RYR2: variants seen among roughly 807,000 people sequenced by gnomAD.
RYR2 encodes the protein ryanodine receptor 2, also known as cardiac muscle ryanodine receptor-calcium release channel.
A neutral mutation model predicts 601.1 loss-of-function variants in RYR2; 227 were observed. The ratio of observed to expected loss-of-function variants is 0.38; its 90% CI spans 0.34 to 0.42. The LOEUF is 0.42. Among genes scored for constraint, RYR2 ranks in the 10% least tolerant of loss-of-function variants. The probability of loss-of-function intolerance (pLI) is 1.00; values close to 1 mark genes in which losing one functional copy is unlikely to be tolerated. For missense variants in RYR2, 4,646 were observed against 6,156.5 expected (o/e 0.75, Z 8.21); for synonymous variants, 2,223 against 2,175.1 (o/e 1.02, Z -0.61).
At chr1:237,177,889 A>G (rs376726186) in intron 1 of RYR2, among the ~76,000 whole-genome samples, 1 of 152,200 alleles carries the variant, frequency 6.6e-6, no homozygotes, top group Admixed American at 6.5e-5. Flanking sequence ...TCAAAGAAAC[A>G]TATATAAATT....
At chr1:237,162,278 C>A (rs1676096833) in intron 1 of RYR2, among the ~76,000 whole-genome samples, 2 of 152,028 alleles carry the variant, frequency 1.3e-5, no homozygotes, top group Admixed American at 1.3e-4. Flanking sequence ...GCATTTGTAC[C>A]TTTATACAGT....
At chr1:237,624,544 A>C (rs758332680) in intron 39 of RYR2, among the ~76,000 whole-genome samples, 6 of 152,206 alleles carry the variant, frequency 3.9e-5, no homozygotes, top group Non-Finnish European at 7.4e-5. Context: ...TAAGAAAGAA[A>C]TTTGATCACA....
chr1:237,382,559 A>T (rs1485173983), intron 8 of RYR2, among the ~76,000 whole-genome samples: 1 of 116,560 alleles, frequency 8.6e-6, no homozygotes, highest in Admixed American at 1.2e-4. Flanking sequence ...CCGGTGTGTG[A>T]TGTTCCCCTT....
intron 73 of RYR2, among the ~76,000 whole-genome samples, chr1:237,720,268 C>T (rs922867745): frequency 6.6e-6 from 1 of 152,034 alleles, no homozygotes; most frequent in South Asian, 2.1e-4. Flanking sequence ...AAAGTAGCAA[C>T]AACAATATAA....
intron 13 of RYR2, among the ~76,000 whole-genome samples, chr1:237,442,104 A>G (rs975743351): frequency 6.6e-6 from 1 of 152,226 alleles, no homozygotes; most frequent in African/African-American, 2.4e-5. Context: ...GAGATTGCCC[A>G]TGCACCTGCT....
At chr1:237,175,425 C>A (rs780796634) in intron 1 of RYR2, among the ~76,000 whole-genome samples, 3 of 151,956 alleles carry the variant, frequency 2.0e-5, no homozygotes, top group African/African-American at 7.3e-5. Context: ...GCCTTTAGAA[C>A]ATTAAGTATT....
intron 38 of RYR2, among the ~76,000 whole-genome samples, chr1:237,617,948 T>C (rs1011567584): frequency 6.6e-6 from 1 of 152,126 alleles, no homozygotes; most frequent in African/African-American, 2.4e-5. Context: ...AAGTCAGGTC[T>C]CCTGAGGGTA....
intron 8 of RYR2, among the ~76,000 whole-genome samples, chr1:237,384,957 T>G (rs1336490836): frequency 1.3e-5 from 2 of 152,188 alleles, no homozygotes; most frequent in Non-Finnish European, 2.9e-5. Flanking sequence ...TGGCGTGATC[T>G]CGGCTCACTG....
chr1:237,470,576 A>C (rs1320187594), intron 17 of RYR2, among the ~76,000 whole-genome samples: 1 of 152,196 alleles, frequency 6.6e-6, no homozygotes, highest in Non-Finnish European at 1.5e-5. Context: ...AATAATTATG[A>C]GATGAGGGTG....
chr1:237,768,275 A>G (rs1362683943), intron 84 of RYR2, among the ~76,000 whole-genome samples: 2 of 152,156 alleles, frequency 1.3e-5, no homozygotes, highest in Non-Finnish European at 2.9e-5. Flanking sequence ...TGATGTTTCC[A>G]TATTTTTTAG....
chr1:237,438,033 T>C (rs1203770670), intron 12 of RYR2, among the ~76,000 whole-genome samples: 1 of 151,442 alleles, frequency 6.6e-6, no homozygotes, highest in Non-Finnish European at 1.5e-5. Context: ...GATCTACAGA[T>C]TGAAAAATTT....
At position 237,732,164 on chromosome 1, in the gene RYR2, G is replaced by T; in HGVS notation, c.11039+15G>T. Reference sequence around the variant, plus strand: ...ACAGAGAAATGGTATGGTTGGGAGGGTTCCTATGAGACATAGGAGGAGCAA... The same window carrying T: ...ACAGAGAAATGGTATGGTTGGGAGGTTTCCTATGAGACATAGGAGGAGCAA... On this transcript the variant is annotated intron_variant, in intron 78 of 104. Coordinates refer to ENST00000366574, the MANE Select transcript of RYR2 (RefSeq NM_001035.3). 6.6e-7 allele frequency: 1 copy of T among 1,520,896 alleles called. No homozygotes were observed. The highest frequency in any genetic ancestry group is 1.1e-5 in the South Asian group (1 of 87,644). 94.2% of individuals were successfully genotyped at this position (1,520,896 alleles called of 1,614,324 possible). A position where few individuals can be genotyped will look rare whatever the true frequency, so the allele number is the denominator to read the frequency against.
intron 26 of RYR2, among the ~76,000 whole-genome samples, chr1:237,549,950 C>T (rs1670214873): frequency 6.6e-6 from 1 of 152,126 alleles, no homozygotes; most frequent in Non-Finnish European, 1.5e-5. Context: ...ACATTTTAAC[C>T]ACAGTTTAAC....
At chr1:237,146,930 A>T (rs1484458569) in intron 1 of RYR2, among the ~76,000 whole-genome samples, 1 of 152,144 alleles carries the variant, frequency 6.6e-6, no homozygotes, top group Non-Finnish European at 1.5e-5. Flanking sequence ...TTAGTGTTGA[A>T]CATACTACTT....
Position 237,074,031 on chromosome 1 carries a change from T to G in RYR2, c.48+31462T>G, listed in dbSNP as rs533396918. On this transcript the variant is annotated intron_variant, in intron 1 of 104. Transcript: ENST00000366574. ...TGAGAAGATTTAAAATTTTTTTGTG[T>G]GGGAGCCCTAAATGATGGCTCATGT... is the stretch of plus-strand genomic sequence containing the variant. Among the ~76,000 whole-genome samples the G allele has an allele frequency of 2.2e-4, 34 of 152,260 alleles. No homozygotes were observed. In the South Asian group the frequency reaches 7.0e-3, roughly 32 times the overall value.
chr1:237,801,933 A>G lies in RYR2; in HGVS notation c.14151+17A>G, dbSNP rs771690343. The G allele has an allele frequency of 6.6e-7, 1 of 1,522,106 alleles. No individual in the cohort carries two copies. Among genetic ancestry groups the G allele is most frequent in the Non-Finnish European group, 9.1e-7 (1 of 1,098,632 alleles). The allele number at this position is 1,522,106 out of a possible 1,614,324, so 94.3% of individuals were successfully genotyped here. On this transcript the variant is annotated intron_variant, in intron 98 of 104. Coordinates refer to ENST00000366574, the MANE Select transcript of RYR2 (RefSeq NM_001035.3). ...ACTGACAACGTAAGCCTACTTCATTATCACAAAAGAAAATGCACTCTGATT... is the reference window on the plus strand; with the variant it reads ...ACTGACAACGTAAGCCTACTTCATTGTCACAAAAGAAAATGCACTCTGATT...
At chr1:237,138,850 A>G (rs1271602263) in intron 1 of RYR2, among the ~76,000 whole-genome samples, 1 of 152,240 alleles carries the variant, frequency 6.6e-6, no homozygotes, top group Non-Finnish European at 1.5e-5. Context: ...CTGCAATGAG[A>G]TACCACTTCA....
Position 237,106,368 on chromosome 1 carries a change from A to G in RYR2, c.48+63799A>G, listed in dbSNP as rs1668685948. Among the ~76,000 whole-genome samples the G allele has an allele frequency of 6.6e-6, 1 of 152,030 alleles. No individual in the cohort carries two copies. Among genetic ancestry groups the G allele is most frequent in the African/African-American group, 2.4e-5 (1 of 41,378 alleles). The stretch of plus-strand genomic sequence containing the variant: ...GTGGCACCGAGCAGCAGGACCCTGG[A>G]TATTTTTTTGGACATAGAGCCAGGA... On this transcript the variant is annotated intron_variant, in intron 1 of 104. Transcript: ENST00000366574. This position sits in a 1 kb window ranked among gnomAD's most constrained non-coding sequence, Gnocchi z 4.4.
chr1:237,375,514 A>T (rs1700954359), intron 7 of RYR2, among the ~76,000 whole-genome samples: 1 of 152,186 alleles, frequency 6.6e-6, no homozygotes, highest in Non-Finnish European at 1.5e-5. Flanking sequence ...CAAGAGTGAG[A>T]TCAAGCTATC....
Sources: allele counts gnomAD v4.1 joint callset (sites outside exome capture counted in the v4.1 genomes callset), GRCh38; gene constraint gnomAD v4.1.1; non-coding constraint Gnocchi (gnomAD v3.1); transcripts MANE v1.5; gene names NCBI Gene and HGNC (gene_info 2026-07-23, HGNC 2026-07-21).